Variants in ABCC8 observed in about 807,000 individuals in gnomAD.
The protein encoded by ABCC8 is ATP binding cassette subfamily C member 8, also known as ATP-binding cassette sub-family C member 8.
ABCC8 carries 137 observed loss-of-function variants against 188.0 expected under a neutral mutation model. The ratio of observed to expected loss-of-function variants is 0.73; its 90% CI spans 0.63 to 0.84. The LOEUF (loss-of-function observed/expected upper bound fraction) is 0.84, where lower values mean the gene tolerates loss of function less well. Among genes scored for constraint, ABCC8 ranks in the 40% least tolerant of loss-of-function variants. The pLI, the probability that ABCC8 is intolerant of heterozygous loss-of-function variation, is 0.00. For synonymous variants in ABCC8, 797 were observed against 846.5 expected (o/e 0.94, Z 1.01); for missense variants, 1,750 against 2,072.7 (o/e 0.84, Z 3.02).
chr11:17,445,832 C>T (rs1316636641), intron 8 of ABCC8, among the ~76,000 whole-genome samples: 2 of 151,240 alleles, frequency 1.3e-5, no homozygotes, highest in Non-Finnish European at 2.9e-5. Context: ...GGGAGGGGGG[C>T]TGGGACAGGG....
chr11:17,457,352 T>C (rs1284433666), intron 6 of ABCC8, among the ~76,000 whole-genome samples: 1 of 152,066 alleles, frequency 6.6e-6, no homozygotes, highest in Non-Finnish European at 1.5e-5. Context: ...TAAGCAGTTC[T>C]TAGGGGAACT....
At chr11:17,450,258 T>TTCTC (rs111417397) in intron 7 of ABCC8, among the ~76,000 whole-genome samples, 2 of 57,908 alleles carry the variant, frequency 3.5e-5, no homozygotes, top group Non-Finnish European at 7.2e-5. Flanking sequence ...CTTTCTTTCT[T>TTCTC]TCTCTTTCTT....
chr11:17,410,117 A>C, intron 22 of ABCC8: 1 of 167,134 alleles, frequency 6.0e-6, no homozygotes, highest in Non-Finnish European at 1.3e-5. Context: ...GGGGTGGTGC[A>C]TCCATCCACC....
rs1053155761 is a variant in ABCC8 at position 17,455,120 on chromosome 11, G to T, written c.1012-1837C>A. On this transcript the variant is annotated intron_variant, in intron 6 of 38. Transcript: ENST00000389817. ...ATAAGGTAATAGCTGTATGAACACAGACATTTATTTTGGGGTCAGAGCAGA... is the reference window on the plus strand; with the variant it reads ...ATAAGGTAATAGCTGTATGAACACATACATTTATTTTGGGGTCAGAGCAGA... 2.6e-5 allele frequency among the ~76,000 whole-genome samples: 4 copies of T among 152,154 alleles called. No homozygotes were observed. In the East Asian group the frequency reaches 7.7e-4, roughly 29 times the overall value.
At chr11:17,413,978 G>T (rs1954941640) in intron 19 of ABCC8, among the ~76,000 whole-genome samples, 1 of 152,208 alleles carries the variant, frequency 6.6e-6, no homozygotes, top group Non-Finnish European at 1.5e-5. Flanking sequence ...GGCAGCTTTG[G>T]ATTTGAGACC....
intron 7 of ABCC8, 121 bp downstream of exon 7, chr11:17,452,998 C>A: frequency 1.0e-6 from 1 of 1,002,314 alleles, no homozygotes; most frequent in Admixed American, 1.7e-5. Context: ...CGTTAATGGG[C>A]AACAAAAAAT....
Position 17,392,898 on chromosome 11 carries a change from A to T in ABCC8, c.*93T>A, listed in dbSNP as rs886048046. ...TAGGGCCTCTAGTAGGAAATAATCA[A>T]ATCTATTTATTTACAAGTGATTTAC... On this transcript the variant is annotated 3_prime_UTR_variant, in exon 39 of 39. Transcript: ENST00000389817. 18 of 1,461,776 alleles carry T rather than the reference A, an allele frequency of 1.2e-5. No individual in the cohort carries two copies. The South Asian group carries it at 1.7e-4, about 14-fold the overall frequency. 90.6% of individuals were successfully genotyped at this position (1,461,776 alleles called of 1,614,324 possible). A position where few individuals can be genotyped will look rare whatever the true frequency, so the allele number is the denominator to read the frequency against.
chr11:17,405,852 G>A (rs1954490315), intron 26 of ABCC8, among the ~76,000 whole-genome samples: 1 of 152,216 alleles, frequency 6.6e-6, no homozygotes, highest in Non-Finnish European at 1.5e-5. Context: ...GGGACACAGA[G>A]TCCTCTCCAG....
chr11:17,399,292 A>C (rs1440248658), intron 29 of ABCC8, among the ~76,000 whole-genome samples: 2 of 147,760 alleles, frequency 1.4e-5, no homozygotes, highest in Non-Finnish European at 3.0e-5. Context: ...AAAAAAAAAA[A>C]AAAAAAAAAA....
chr11:17,432,149 C>T (rs1955876367), intron 11 of ABCC8, 55 bp downstream of exon 11: 4 of 1,549,908 alleles, frequency 2.6e-6, no homozygotes, highest in Non-Finnish European at 2.6e-6. Context: ...CCTGTCACTG[C>T]AGACGCCCTC....
At chr11:17,426,593 T>C (rs1955592130) in intron 16 of ABCC8, among the ~76,000 whole-genome samples, 1 of 152,100 alleles carries the variant, frequency 6.6e-6, no homozygotes, top group Non-Finnish European at 1.5e-5. Context: ...CCACTTATGG[T>C]GTGTAGGTCA....
At chr11:17,409,693 AG>A (rs1489494695) in intron 22 of ABCC8, among the ~76,000 whole-genome samples, 1 of 152,124 alleles carries the variant, frequency 6.6e-6, no homozygotes, top group East Asian at 1.9e-4. Flanking sequence ...TGTTGTTTAG[AG>A]GAGAATTTAT....
chr11:17,408,410 C>T lies in ABCC8; in HGVS notation c.2802G>A (p.Gln934=), dbSNP rs1355755514. Residue 934 remains glutamine, a synonymous_variant, in exon 23 of 39, where the codon CAG becomes CAA. Coordinates refer to ENST00000389817, the MANE Select transcript of ABCC8 (RefSeq NM_000352.6). Reference sequence around the variant, plus strand: ...TACCCACCTTCTCCAGCTCTTGGTCCTGTCGGTTCATGAGGGTCTTCCAGT... The same window carrying T: ...TACCCACCTTCTCCAGCTCTTGGTCTTGTCGGTTCATGAGGGTCTTCCAGT... ...FEHWKTLMNR[Q]DQELEKETVT... is the part of the protein sequence containing the mutation. The T allele has an allele frequency of 1.2e-6, 2 of 1,613,596 alleles. No individual in the cohort carries two copies. Among genetic ancestry groups the T allele is most frequent in the East Asian group, 2.2e-5 (1 of 44,876 alleles).
Position 17,407,357 on chromosome 11 carries a change from C to T in ABCC8, c.2917G>A (p.Glu973Lys). Reference protein sequence around the residue: ...DGLLQDEEEEEEEAAESEEDD... With the variant: ...DGLLQDEEEEKEEAAESEEDD... ...CTCCCAGTCCCATTGCCTGTACCTT[C>T]CTCCTCTTCCTCATCCTGCAGAAGG... is the stretch of plus-strand genomic sequence containing the variant. The change falls in exon 24 of 39, where the codon GAA (glutamate) becomes AAA (lysine). Residue 973 changes from glutamate to lysine, a missense_variant. Physicochemically the swap from Glu to Lys is moderately conservative, Grantham distance 56. Coordinates refer to ENST00000389817, the MANE Select transcript of ABCC8 (RefSeq NM_000352.6). 6.2e-7 allele frequency: 1 copy of T among 1,614,230 alleles called. No homozygotes were observed. Among genetic ancestry groups the T allele is most frequent in the Non-Finnish European group, 8.5e-7 (1 of 1,180,044 alleles).
intron 16 of ABCC8, among the ~76,000 whole-genome samples, chr11:17,423,312 G>A (rs967964970): frequency 8.8e-5 from 11 of 124,408 alleles, no homozygotes; most frequent in Non-Finnish European, 1.1e-4. Flanking sequence ...AGCTGAGATC[G>A]CACCACTGCA....
intron 3 of ABCC8, among the ~76,000 whole-genome samples, chr11:17,467,183 T>C (rs148658029): frequency 3.1e-4 from 47 of 151,862 alleles, no homozygotes; most frequent in Admixed American, 8.5e-4. Flanking sequence ...CTTTGGGAAG[T>C]TGAGACCTGA....
chr11:17,396,211 G>C (rs1278464569), intron 33 of ABCC8: 5 of 594,598 alleles, frequency 8.4e-6, no homozygotes, highest in Non-Finnish European at 1.4e-5. Context: ...GGCTGAAGGA[G>C]AGCTGGGGGG....
intron 10 of ABCC8, among the ~76,000 whole-genome samples, chr11:17,439,602 C>T (rs937963929): frequency 2.0e-5 from 3 of 152,122 alleles, no homozygotes; most frequent in Non-Finnish European, 4.4e-5. Flanking sequence ...CTCTCTCCCC[C>T]TCCCACTGCT....
At position 17,395,658 on chromosome 11, in the gene ABCC8, C is replaced by A; in HGVS notation, c.4259G>T (p.Arg1420Leu). Residue 1420 changes from arginine (R) to leucine (L), a missense_variant, in exon 35 of 39, where the codon CGC (arginine) becomes CTC (leucine). Arg to Leu is a moderately radical substitution (Grantham distance 102). Transcript: ENST00000389817. ...GGGGTCCTGCAGGATGATGGAGAGGCGTGAGCGCAGGGTGTGCAGCGGCAG... is the reference window on the plus strand; with the variant it reads ...GGGGTCCTGCAGGATGATGGAGAGGAGTGAGCGCAGGGTGTGCAGCGGCAG... The part of the protein sequence containing the change: ...AKLPLHTLRS[R>L]LSIILQDPVL... The A allele has an allele frequency of 2.6e-6, 4 of 1,560,854 alleles. No homozygotes were observed. The highest frequency in any genetic ancestry group is 3.5e-6 in the Non-Finnish European group (4 of 1,152,548).
Sources: allele counts gnomAD v4.1 joint callset (sites outside exome capture counted in the v4.1 genomes callset), GRCh38; gene constraint gnomAD v4.1.1; transcripts MANE v1.5; gene names NCBI Gene and HGNC (gene_info 2026-07-23, HGNC 2026-07-21).